The following MAGI2 variants were observed in gnomAD, a reference collection of about 807,000 sequenced individuals.
MAGI2 encodes membrane-associated guanylate kinase, WW and PDZ domain-containing protein 2.
In MAGI2, 35 loss-of-function variants were observed where a neutral mutation model predicts 133.3. That is an observed-to-expected ratio of 0.26 (90% CI 0.20 to 0.35). The LOEUF is 0.35. MAGI2 is among the 10% of genes least tolerant of loss of function. The pLI, the probability that MAGI2 is intolerant of heterozygous loss-of-function variation, is 1.00. For synonymous variants in MAGI2, 729 were observed against 710.6 expected (o/e 1.03, Z -0.41); for missense variants, 1,636 against 1,863.4 (o/e 0.88, Z 2.25).
At chr7:78,696,229 C>T (rs1040636655) in intron 2 of MAGI2, among the ~76,000 whole-genome samples, 3 of 152,186 alleles carry the variant, frequency 2.0e-5, no homozygotes, top group African/African-American at 7.2e-5. Flanking sequence ...TGAACCACTG[C>T]ACCTAGCCTC....
At chr7:79,260,747 A>G (rs1214986963) in intron 1 of MAGI2, among the ~76,000 whole-genome samples, 2 of 152,210 alleles carry the variant, frequency 1.3e-5, no homozygotes, top group African/African-American at 4.8e-5. Flanking sequence ...CTATGCATAT[A>G]AGATGTATAT....
At chr7:78,402,031 C>T (rs191789237) in intron 6 of MAGI2, among the ~76,000 whole-genome samples, 3 of 152,244 alleles carry the variant, frequency 2.0e-5, no homozygotes, top group Admixed American at 1.3e-4. Context: ...ATCTTGCTCC[C>T]GATCCTAACA....
intron 2 of MAGI2, among the ~76,000 whole-genome samples, chr7:78,752,172 A>G (rs140436513): frequency 1.1e-3 from 163 of 152,330 alleles, no homozygotes; most frequent in African/African-American, 3.8e-3. Flanking sequence ...TTTCTTATCT[A>G]AAGACTGCTA....
chr7:78,040,480 G>T (rs1326476497), intron 21 of MAGI2, among the ~76,000 whole-genome samples: 1 of 152,194 alleles, frequency 6.6e-6, no homozygotes, highest in Non-Finnish European at 1.5e-5. Flanking sequence ...GGGGGCGCCC[G>T]ATTCCACCCC....
In MAGI2 at chr7:78,691,788, A is replaced by AGG. The variant is rs1290241792; in HGVS notation, c.419-64551_419-64550dup. Reference sequence around the variant, plus strand: ...AATAGACAAAGCACAGAGAATTTTTAGGGAAGTGAAACTACCCTGTATGAC... The same window carrying AGG: ...AATAGACAAAGCACAGAGAATTTTTAGGGGGAAGTGAAACTACCCTGTATGAC... On this transcript the variant is annotated intron_variant, in intron 2 of 21. Transcript: ENST00000354212. Among the ~76,000 whole-genome samples the AGG allele has an allele frequency of 3.3e-5, 5 of 152,208 alleles. No homozygotes were observed. In the East Asian group the frequency reaches 7.7e-4, roughly 23 times the overall value.
chr7:78,952,876 T>A (rs1161808734), intron 2 of MAGI2, among the ~76,000 whole-genome samples: 1 of 152,196 alleles, frequency 6.6e-6, no homozygotes, highest in Non-Finnish European at 1.5e-5. Context: ...TGTACCTGGG[T>A]GTGAGTAGCA....
At chr7:79,330,846 CATA>C (rs1469651473) in intron 1 of MAGI2, among the ~76,000 whole-genome samples, 1 of 152,030 alleles carries the variant, frequency 6.6e-6, no homozygotes, top group Non-Finnish European at 1.5e-5. Context: ...ATTATTAAAA[CATA>C]ATCTGAATTT....
At chr7:79,261,698 A>T (rs1466040883) in intron 1 of MAGI2, among the ~76,000 whole-genome samples, 2 of 152,202 alleles carry the variant, frequency 1.3e-5, no homozygotes, top group Non-Finnish European at 2.9e-5. Flanking sequence ...TGGGTCAATG[A>T]AACAAAGAGC....
intron 6 of MAGI2, among the ~76,000 whole-genome samples, chr7:78,480,270 A>T (rs567651027): frequency 5.0e-4 from 76 of 152,024 alleles, no homozygotes; most frequent in African/African-American, 1.8e-3. Flanking sequence ...GAAAAAATTG[A>T]CACCAATTTT....
intron 2 of MAGI2, among the ~76,000 whole-genome samples, chr7:78,989,292 A>C (rs2116300746): frequency 6.6e-6 from 1 of 152,178 alleles, no homozygotes; most frequent in Non-Finnish European, 1.5e-5. Flanking sequence ...TCATACTTTT[A>C]TTACAGAAAT....
chr7:78,404,885 C>T lies in MAGI2; in HGVS notation c.1046-35672G>A, dbSNP rs192098590. ...ACTACCATCAGAGTGAACAGGCAAC[C>T]TACAGAATGGGAGAAAATTTTGCAA... On this transcript the variant is annotated intron_variant, in intron 6 of 21. Transcript: ENST00000354212. 4.1e-4 allele frequency among the ~76,000 whole-genome samples: 63 copies of T among 152,242 alleles called. No homozygotes were observed. The East Asian group carries it at 0.012, about 28-fold the overall frequency.
At chr7:78,701,441 A>G (rs1818063223) in intron 2 of MAGI2, among the ~76,000 whole-genome samples, 1 of 151,986 alleles carries the variant, frequency 6.6e-6, no homozygotes. Context: ...TACATGTGGG[A>G]CCACAGTTTT....
intron 1 of MAGI2, among the ~76,000 whole-genome samples, chr7:79,127,856 A>G (rs918934856): frequency 1.3e-5 from 2 of 152,190 alleles, no homozygotes; most frequent in Non-Finnish European, 2.9e-5. Flanking sequence ...TTGGTGTTTT[A>G]GACACGAAGT....
chr7:78,148,806 C>T (rs1459403513), intron 16 of MAGI2, among the ~76,000 whole-genome samples: 1 of 151,964 alleles, frequency 6.6e-6, no homozygotes. Context: ...CATCAGTGGG[C>T]CCTGGAATAA....
chr7:79,318,991 G>A (rs551094422), intron 1 of MAGI2, among the ~76,000 whole-genome samples: 3 of 152,124 alleles, frequency 2.0e-5, no homozygotes, highest in South Asian at 4.1e-4. Context: ...GCTGCTATTC[G>A]CAACCTCTTT....
intron 9 of MAGI2, among the ~76,000 whole-genome samples, chr7:78,342,767 C>A (rs1417591951): frequency 6.6e-6 from 1 of 152,108 alleles, no homozygotes; most frequent in African/African-American, 2.4e-5. Context: ...AATGAGAACA[C>A]ATGGACACAG....
intron 2 of MAGI2, among the ~76,000 whole-genome samples, chr7:78,865,041 G>T (rs187617989): frequency 7.2e-5 from 11 of 152,244 alleles, no homozygotes; most frequent in African/African-American, 2.2e-4. Flanking sequence ...GCTAATCAGG[G>T]CCTAGTGCTG....
rs561867721 is a variant in MAGI2 at position 78,406,979 on chromosome 7, A to G, written c.1046-37766T>C. On this transcript the variant is annotated intron_variant, in intron 6 of 21. Transcript: ENST00000354212. ...TGCTGTAAATTCATGGACATGCAGC[A>G]CAAAAAAAGCCCAAAAAATCCTCTT... Among the ~76,000 whole-genome samples, 58 of 152,234 alleles carry G rather than the reference A, an allele frequency of 3.8e-4. 1 individual carries two copies. The South Asian group carries it at 0.011, about 29-fold the overall frequency.
intron 2 of MAGI2, among the ~76,000 whole-genome samples, chr7:78,763,399 C>T (rs933257423): frequency 3.3e-5 from 5 of 152,168 alleles, no homozygotes; most frequent in South Asian, 4.1e-4. Context: ...CTTCTTTTCA[C>T]GTTTTCACTT....
Sources: allele counts gnomAD v4.1 joint callset (sites outside exome capture counted in the v4.1 genomes callset), GRCh38; gene constraint gnomAD v4.1.1; transcripts MANE v1.5; gene names NCBI Gene and HGNC (gene_info 2026-07-23, HGNC 2026-07-21).